DNM3: variants seen among roughly 807,000 people sequenced by gnomAD.
DNM3 encodes dynamin-3.
In DNM3, 47 loss-of-function variants were observed where a neutral mutation model predicts 101.6. That is an observed-to-expected ratio of 0.46 (90% confidence interval 0.37 to 0.59). The LOEUF is 0.59. Ranked by LOEUF, DNM3 falls within the 20% of genes least tolerant of loss-of-function variation. The probability of loss-of-function intolerance (pLI) is 0.00; values close to 1 mark genes in which losing one functional copy is unlikely to be tolerated. For synonymous variants in DNM3, 385 were observed against 387.9 expected (o/e 0.99, Z 0.09); for missense variants, 849 against 1,085.7 (o/e 0.78, Z 3.06).
rs138540712 is a variant in DNM3, at chr1:172,354,112, T to TGTGTGA, written c.1894-24905_1894-24904insTGTGAG. ...GGGTGTGTGTGTGTGTGTGTGTGTG[T>TGTGTGA]GAGAGAGAGAGAGAGAGAGAGAGAG... On this transcript the variant is annotated intron_variant, in intron 17 of 20. Coordinates refer to ENST00000627582, the MANE Select transcript of DNM3 (RefSeq NM_015569.5). Among the ~76,000 whole-genome samples the TGTGTGA allele has an allele frequency of 2.2e-3, 207 of 94,962 alleles. 4 individuals are homozygous for TGTGTGA. The highest frequency in any genetic ancestry group is 1.2e-3 in the Non-Finnish European group (63 of 51,714). 62.3% of individuals were successfully genotyped at this position (94,962 alleles called of 152,430 possible). A position where few individuals can be genotyped will look rare whatever the true frequency, so the allele number is the denominator to read the frequency against.
At chr1:172,042,399 A>C (rs1422015509) in intron 8 of DNM3, among the ~76,000 whole-genome samples, 1 of 152,236 alleles carries the variant, frequency 6.6e-6, no homozygotes, top group African/African-American at 2.4e-5. Flanking sequence ...TAATTTAAAA[A>C]TATTTCTTAA....
At chr1:172,065,533 G>A (rs1233724491) in intron 10 of DNM3, among the ~76,000 whole-genome samples, 1 of 152,134 alleles carries the variant, frequency 6.6e-6, no homozygotes, top group Non-Finnish European at 1.5e-5. Context: ...AAAATAACTT[G>A]GAGGACTTTC....
intron 15 of DNM3, among the ~76,000 whole-genome samples, chr1:172,297,400 T>TC (rs1557950629): frequency 1.3e-5 from 2 of 152,056 alleles, no homozygotes; most frequent in Non-Finnish European, 2.9e-5. Flanking sequence ...TTCTCCCATT[T>TC]CCCCCCTTAA....
chr1:171,870,988 T>C (rs961829311), intron 1 of DNM3, among the ~76,000 whole-genome samples: 1 of 152,094 alleles, frequency 6.6e-6, no homozygotes, highest in African/African-American at 2.4e-5. Context: ...ATTCTGAAAT[T>C]TTCAGGGAAT....
intron 14 of DNM3, among the ~76,000 whole-genome samples, chr1:172,165,945 G>A (rs2058728008): frequency 6.6e-6 from 1 of 151,782 alleles, no homozygotes; most frequent in African/African-American, 2.4e-5. Flanking sequence ...CACTGTGCTG[G>A]GTGCTTGGAA....
At chr1:171,865,594 G>A (rs937950811) in intron 1 of DNM3, among the ~76,000 whole-genome samples, 1 of 150,878 alleles carries the variant, frequency 6.6e-6, no homozygotes, top group Non-Finnish European at 1.5e-5. Context: ...ACCAAGAAAT[G>A]GAGAATGAAA....
rs555521302 is a variant in DNM3, at chr1:172,282,391, C to T, written c.1770-26337C>T. On this transcript the variant is annotated intron_variant, in intron 15 of 20. Coordinates refer to ENST00000627582, the MANE Select transcript of DNM3 (RefSeq NM_015569.5). ...AAAACAACCCTCTTAGTACTATCCC[C>T]ATTTAACAACAAAGAAATTGAGTCC... is the stretch of plus-strand genomic sequence containing the variant. Among the ~76,000 whole-genome samples, 4 of 152,234 alleles carry T rather than the reference C, an allele frequency of 2.6e-5. No individual in the cohort carries two copies. The South Asian group carries it at 8.3e-4, about 32-fold the overall frequency.
chr1:171,901,347 G>A (rs1047913623), intron 1 of DNM3, among the ~76,000 whole-genome samples: 1 of 152,020 alleles, frequency 6.6e-6, no homozygotes, highest in Non-Finnish European at 1.5e-5. Flanking sequence ...AATGAAATAG[G>A]CCCTGAGCAG....
chr1:171,970,913 C>T (rs1436537239), intron 2 of DNM3, among the ~76,000 whole-genome samples: 1 of 152,010 alleles, frequency 6.6e-6, no homozygotes, highest in Non-Finnish European at 1.5e-5. Flanking sequence ...CAGGTTATAA[C>T]AATCCAGTGG....
chr1:171,882,365 T>C (rs1276339074), intron 1 of DNM3, among the ~76,000 whole-genome samples: 1 of 137,182 alleles, frequency 7.3e-6, no homozygotes, highest in Non-Finnish European at 1.6e-5. Context: ...AAAAGCCCTT[T>C]TGCATAACAA....
intron 14 of DNM3, among the ~76,000 whole-genome samples, chr1:172,250,840 G>T (rs773952135): frequency 6.6e-6 from 1 of 152,042 alleles, no homozygotes; most frequent in South Asian, 2.1e-4. Flanking sequence ...AGTACATGGG[G>T]TATTTAGTGC....
At chr1:172,310,296 A>C (rs2065026911) in intron 16 of DNM3, 1 of 152,178 alleles carries the variant, frequency 6.6e-6, no homozygotes, top group Non-Finnish European at 1.5e-5. Context: ...TTTTTTATTA[A>C]CTCATTCCAC....
chr1:171,996,342 A>T (rs1039212872), intron 4 of DNM3, among the ~76,000 whole-genome samples: 3 of 152,248 alleles, frequency 2.0e-5, no homozygotes, highest in African/African-American at 7.2e-5. Context: ...TTACTTTTCA[A>T]AGTGCTCTTA....
chr1:171,876,642 C>T (rs1001431610), intron 1 of DNM3, among the ~76,000 whole-genome samples: 4 of 152,182 alleles, frequency 2.6e-5, no homozygotes, highest in Non-Finnish European at 5.9e-5. Context: ...GGGCAGATAC[C>T]TTTCTCACAG....
intron 17 of DNM3, among the ~76,000 whole-genome samples, chr1:172,332,163 AC>A (rs1453177924): frequency 7.2e-5 from 11 of 152,236 alleles, no homozygotes; most frequent in Non-Finnish European, 1.3e-4. Flanking sequence ...TGCCTAGTAC[AC>A]ATGAGTTTCT....
intron 20 of DNM3, among the ~76,000 whole-genome samples, chr1:172,406,811 A>G (rs891346221): frequency 1.4e-4 from 22 of 152,030 alleles, no homozygotes; most frequent in African/African-American, 5.3e-4. Context: ...AGAAAAATTT[A>G]TGACTATAAT....
At chr1:172,198,475 C>T (rs2060034583) in intron 14 of DNM3, among the ~76,000 whole-genome samples, 1 of 151,984 alleles carries the variant, frequency 6.6e-6, no homozygotes, top group African/African-American at 2.4e-5. Context: ...GGAATGGTAT[C>T]TGTAGGAATG....
chr1:172,308,717 T>TC lies in DNM3; in HGVS notation c.1770-11_1770-10insC. ...AACTAAAAGCATGATTTTTTTTTTT[T>TC]TTAACTCCAGGAATGTATACAAAGA... On this transcript the variant is annotated splice_polypyrimidine_tract_variant and intron_variant, in intron 15 of 20. Transcript: ENST00000627582. 1 of 1,496,972 alleles carries TC rather than the reference T, an allele frequency of 6.7e-7. No individual in the cohort carries two copies. Among genetic ancestry groups the TC allele is most frequent in the Non-Finnish European group, 9.0e-7 (1 of 1,115,876 alleles). 92.7% of individuals were successfully genotyped at this position (1,496,972 alleles called of 1,614,324 possible). A position where few individuals can be genotyped will look rare whatever the true frequency, so the allele number is the denominator to read the frequency against.
At chr1:172,337,544 TAAAG>T (rs2066483602) in intron 17 of DNM3, among the ~76,000 whole-genome samples, 1 of 152,242 alleles carries the variant, frequency 6.6e-6, no homozygotes. Flanking sequence ...AAAACAGGGA[TAAAG>T]AAACATGTAA....
Sources: allele counts gnomAD v4.1 joint callset (sites outside exome capture counted in the v4.1 genomes callset), GRCh38; gene constraint gnomAD v4.1.1; transcripts MANE v1.5; gene names NCBI Gene and HGNC (gene_info 2026-07-23, HGNC 2026-07-21).